RTKN: variants seen among roughly 807,000 people sequenced by gnomAD.
The protein encoded by RTKN is rhotekin.
A neutral mutation model predicts 63.5 loss-of-function variants in RTKN; 49 were observed. That is an observed-to-expected ratio of 0.77 (90% CI 0.61 to 0.98). RTKN has a LOEUF of 0.98. Among genes scored for constraint, RTKN ranks in the 50% least tolerant of loss-of-function variants. The pLI is 0.00. For missense variants in RTKN, 685 were observed against 740.8 expected, an observed-to-expected ratio of 0.92 and a Z score of 0.87; for synonymous variants, 295 against 290.4, an observed-to-expected ratio of 1.02 and a Z score of -0.16.
intron 1 of RTKN, among the ~76,000 whole-genome samples, chr2:74,438,944 G>C (rs1671201286): frequency 6.6e-6 from 1 of 152,112 alleles, no homozygotes; most frequent in African/African-American, 2.4e-5. Flanking sequence ...GGTATCCTAT[G>C]GTCGAAAAGA....
chr2:74,427,115 G>C, intron 11 of RTKN, 54 bp downstream of exon 11: 2 of 1,568,850 alleles, frequency 1.3e-6, no homozygotes, highest in South Asian at 2.2e-5. Context: ...TTCTCTTGAA[G>C]TCCCCAACCC....
At position 74,427,202 on chromosome 2, in the gene RTKN, G is replaced by A; in HGVS notation, c.1327C>T (p.Leu443=). Residue 443 remains leucine (L), a synonymous_variant, in exon 11 of 12, where the codon CTG becomes TTG. Transcript: ENST00000272430. The part of the protein sequence containing the change: ...TPAPRKPPQA[L]AKQGSLYHEM... ...TGGTACAAGGACCCCTGCTTTGCCA[G>A]TGCTTGGGGTGGTTTCCGGGGAGCA... 6.2e-7 allele frequency: 1 copy of A among 1,614,148 alleles called. No homozygotes were observed. Among genetic ancestry groups the A allele is most frequent in the African/African-American group, 1.3e-5 (1 of 75,036 alleles).
rs1178425640 is a variant in RTKN at position 74,436,454 on chromosome 2, C to T, written c.112-3788G>A. 6.6e-6 allele frequency among the ~76,000 whole-genome samples: 1 copy of T among 151,726 alleles called. No homozygotes were observed. The highest frequency in any genetic ancestry group is 1.5e-5 in the Non-Finnish European group (1 of 67,878). On this transcript the variant is annotated intron_variant, in intron 1 of 11. Transcript: ENST00000272430. This position sits in a 1 kb window ranked among gnomAD's most constrained non-coding sequence, Gnocchi z 4.3. The stretch of plus-strand genomic sequence containing the variant: ...GGCTGGGCTTGGCTCAAGGCGGTGC[C>T]TCCACCGAGACTCCATCGCGGCGGG...
intron 1 of RTKN, among the ~76,000 whole-genome samples, chr2:74,435,306 T>C (rs1670994297): frequency 6.6e-6 from 1 of 152,184 alleles, no homozygotes; most frequent in Non-Finnish European, 1.5e-5. Context: ...TCCCCATCTG[T>C]AAATCAGGAA....
At position 74,426,387 on chromosome 2, in the gene RTKN, G is replaced by T; in HGVS notation, c.1548C>A (p.Pro516=). 8 of 1,611,816 alleles carry T rather than the reference G, an allele frequency of 5.0e-6. No homozygotes were observed. The highest frequency in any genetic ancestry group is 6.8e-6 in the Non-Finnish European group (8 of 1,178,958). The change falls in exon 12 of 12, where the codon CCC becomes CCA. Residue 516 remains proline (P), a synonymous_variant. Transcript: ENST00000272430. ...DWTHPLPWGR[P]RTFSLDAVPP... is the part of the protein sequence containing the mutation. ...GGACAGCATCCAGGGAAAAGGTTCG[G>T]GGTCTCCCCCAGGGCAGGGGGTGGG...
chr2:74,436,011 T>C lies in RTKN; in HGVS notation c.112-3345A>G, dbSNP rs934688595. 1.3e-5 allele frequency among the ~76,000 whole-genome samples: 2 copies of C among 152,136 alleles called. No individual in the cohort carries two copies. Among genetic ancestry groups the C allele is most frequent in the South Asian group, 2.1e-4 (1 of 4,834 alleles). On this transcript the variant is annotated intron_variant, in intron 1 of 11. Transcript: ENST00000272430. This position sits in a 1 kb window ranked among gnomAD's most constrained non-coding sequence, Gnocchi z 4.3. ...CACCAGGAAGCCCTTTCAGACTACA[T>C]AGGTCCTCCCAGTCTAGTTTTGTCT...
intron 1 of RTKN, among the ~76,000 whole-genome samples, chr2:74,437,493 A>G (rs60205766): frequency 0.023 from 3,475 of 152,272 alleles, 148 homozygotes; most frequent in African/African-American, 0.079. Context: ...CCAGAACTTG[A>G]ACAGGCCTTC....
intron 2 of RTKN, among the ~76,000 whole-genome samples, chr2:74,431,448 T>C (rs1033305618): frequency 2.6e-5 from 4 of 152,306 alleles, no homozygotes; most frequent in Middle Eastern, 3.4e-3. Flanking sequence ...ACTAAAGTAA[T>C]TACTGACTTA....
At chr2:74,427,010 G>A (rs559461332) in intron 11 of RTKN, 159 bp downstream of exon 11, 6 of 984,758 alleles carry the variant, frequency 6.1e-6, no homozygotes, top group Middle Eastern at 1.0e-3. Flanking sequence ...AAGAGTTGGA[G>A]AGGAGAAAAG....
Position 74,425,853 on chromosome 2 carries a change from G to A in RTKN, c.*390C>T. 1 of 1,339,688 alleles carries A rather than the reference G, an allele frequency of 7.5e-7. No homozygotes were observed. The allele number at this position is 1,339,688 out of a possible 1,614,324, so 83.0% of individuals were successfully genotyped here. ...GCAGGTCTAGACCAGGCAGAGAGAGGCACCCTGTCCTCAGGAGCCAGGTGA... is the reference window on the plus strand; with the variant it reads ...GCAGGTCTAGACCAGGCAGAGAGAGACACCCTGTCCTCAGGAGCCAGGTGA... On this transcript the variant is annotated 3_prime_UTR_variant, in exon 12 of 12. Transcript: ENST00000272430.
At chr2:74,438,209 C>A (rs1671162133) in intron 1 of RTKN, among the ~76,000 whole-genome samples, 1 of 152,146 alleles carries the variant, frequency 6.6e-6, no homozygotes, top group African/African-American at 2.4e-5. Flanking sequence ...CGTAAACAGC[C>A]ACACCACCCA....
intron 1 of RTKN, among the ~76,000 whole-genome samples, chr2:74,438,423 G>A (rs572184378): frequency 1.3e-5 from 2 of 152,096 alleles, no homozygotes; most frequent in East Asian, 1.9e-4. Context: ...GGACATTTGC[G>A]AACTCTCTTG....
intron 1 of RTKN, chr2:74,439,847 C>T (rs1671257485): frequency 1.5e-6 from 2 of 1,366,278 alleles, no homozygotes; most frequent in Non-Finnish European, 1.9e-6. Flanking sequence ...CGGGGCCCTG[C>T]CGGGAGCCAG....
intron 8 of RTKN, 22 bp from the exon 9 acceptor site, chr2:74,428,418 T>C (rs1244449426): frequency 6.2e-7 from 1 of 1,614,094 alleles, no homozygotes; most frequent in Admixed American, 1.7e-5. Flanking sequence ...ACTCAACATT[T>C]TCTGGGGAAG....
chr2:74,431,067 T>TTA, intron 2 of RTKN: 1 of 163,918 alleles, frequency 6.1e-6, no homozygotes, highest in Non-Finnish European at 1.3e-5. Context: ...CAGTCTTTAT[T>TTA]TTTTTTTTTT....
chr2:74,438,715 TTCC>T (rs1289718395), intron 1 of RTKN, among the ~76,000 whole-genome samples: 4 of 152,206 alleles, frequency 2.6e-5, no homozygotes, highest in African/African-American at 9.6e-5. Context: ...GCCTTTGCCC[TTCC>T]TCCAGTCTTC....
At position 74,426,042 on chromosome 2, in the gene RTKN, G is replaced by A. The variant is rs1017597546; in HGVS notation, c.*201C>T. ...GAAGGGTTTAGGGAGGTCCCAGCGAGCCCCAGGAATGAGTCCCTCGGTACC... is the reference window on the plus strand; with the variant it reads ...GAAGGGTTTAGGGAGGTCCCAGCGAACCCCAGGAATGAGTCCCTCGGTACC... On this transcript the variant is annotated 3_prime_UTR_variant, in exon 12 of 12. Transcript: ENST00000272430. 1.1e-5 allele frequency: 7 copies of A among 657,170 alleles called. No homozygotes were observed. The highest frequency in any genetic ancestry group is 1.8e-5 in the Non-Finnish European group (7 of 383,054). 40.7% of individuals were successfully genotyped at this position (657,170 alleles called of 1,614,324 possible). A position where few individuals can be genotyped will look rare whatever the true frequency, so the allele number is the denominator to read the frequency against.
intron 5 of RTKN, 73 bp downstream of exon 5, chr2:74,430,176 TTCC>T: frequency 6.5e-7 from 1 of 1,536,452 alleles, no homozygotes; most frequent in Admixed American, 1.7e-5. Flanking sequence ...CCATCCCAGC[TTCC>T]TCCCCTGGAA....
At chr2:74,440,198 G>T in intron 1 of RTKN, 1 of 446,050 alleles carries the variant, frequency 2.2e-6, no homozygotes, top group Non-Finnish European at 3.0e-6. Flanking sequence ...GTTTGAGAAA[G>T]TTGGGAAAAA....
Sources: allele counts gnomAD v4.1 joint callset (sites outside exome capture counted in the v4.1 genomes callset), GRCh38; gene constraint gnomAD v4.1.1; non-coding constraint Gnocchi (gnomAD v3.1); transcripts MANE v1.5; gene names NCBI Gene and HGNC (gene_info 2026-07-23, HGNC 2026-07-21).